Variants in THNSL1 observed in about 807,000 individuals in gnomAD.
The protein encoded by THNSL1 is threonine synthase-like 1.
Under a neutral mutation model 50.4 loss-of-function variants are expected in THNSL1, and 48 were observed. The ratio of observed to expected loss-of-function variants is 0.95; its 90% CI spans 0.76 to 1.21. The LOEUF is 1.21. Ranked by LOEUF, THNSL1 falls within the 50% of genes most tolerant of loss-of-function variation. The pLI is 0.00. For missense variants in THNSL1, 896 were observed against 871.7 expected (o/e 1.03, Z -0.35); for synonymous variants, 309 against 306.1 (o/e 1.01, Z -0.10).
At chr10:24,977,421 C>T in the THNSL1 span, among the ~76,000 whole-genome samples, 7 of 152,162 alleles carry the variant, frequency 4.6e-5, no homozygotes, top group Non-Finnish European at 1.0e-4. Context: ...TACCTAATCA[C>T]ACACAGGCAA....
At chr10:24,993,076 T>C in the THNSL1 span, among the ~76,000 whole-genome samples, 46 of 152,282 alleles carry the variant, frequency 3.0e-4, no homozygotes, top group East Asian at 6.9e-3. Flanking sequence ...GGAGAACTGC[T>C]TGAGCCCAAA....
At chr10:25,015,407 A>G (rs143397786), upstream of THNSL1, among the ~76,000 whole-genome samples, 47 of 152,334 alleles carry the variant, frequency 3.1e-4, 1 homozygote, top group African/African-American at 1.1e-3. Context: ...TATATTTCAT[A>G]AAAATCTTGG....
chr10:24,969,871 G>T, the THNSL1 span, among the ~76,000 whole-genome samples: 1 of 152,130 alleles, frequency 6.6e-6, no homozygotes, highest in African/African-American at 2.4e-5. Context: ...ATATCCTTTT[G>T]CATAGCAACA....
chr10:24,999,400 C>G, the THNSL1 span: 1 of 1,600,018 alleles, frequency 6.2e-7, no homozygotes, highest in Non-Finnish European at 8.5e-7. Flanking sequence ...ATAAAACCTA[C>G]TGGGTGGTAG....
chr10:24,952,770 C>A, the THNSL1 span, among the ~76,000 whole-genome samples: 1 of 151,644 alleles, frequency 6.6e-6, no homozygotes, highest in South Asian at 2.1e-4. This position sits in a 1 kb window ranked among gnomAD's most constrained non-coding sequence, Gnocchi z 5.1. Context: ...GGCGCTGCGC[C>A]CCCTCCCCTG....
the THNSL1 span, chr10:24,984,381 A>AC: frequency 2.6e-6 from 4 of 1,548,836 alleles, no homozygotes; most frequent in Non-Finnish European, 3.5e-6. Context: ...CATGCGCTGC[A>AC]GAAAAAAAAA....
rs41279894 is a variant in THNSL1 at position 25,024,419 on chromosome 10, A to G, written c.1196A>G (p.Gln399Arg). The stretch of plus-strand genomic sequence containing the variant: ...AGTCGTCTAAATAAGAATGATAAGC[A>G]AAGGATAGCTGTGGTTGCATTTTTT... ...GFSRLNKNDK[Q>R]RIAVVAFFPE... Residue 399 changes from glutamine to arginine, a missense_variant, in exon 3 of 3, where the codon CAA becomes CGA. Gln to Arg is a conservative substitution (Grantham distance 43, BLOSUM62 1). Coordinates refer to ENST00000376356, the MANE Select transcript of THNSL1 (RefSeq NM_024838.5). 19,915 of 1,613,960 alleles carry G rather than the reference A, an allele frequency of 0.012. 376 individuals are homozygous for G. The highest frequency in any genetic ancestry group is 0.08 in the African/African-American group (6,023 of 75,040).
chr10:24,977,631 A>C, the THNSL1 span, among the ~76,000 whole-genome samples: 1 of 152,224 alleles, frequency 6.6e-6, no homozygotes. Flanking sequence ...TGTATTAATA[A>C]AAAAATGAGC....
rs757011957 is a variant in THNSL1 at position 25,023,854 on chromosome 10, G to T, written c.631G>T (p.Glu211Ter). The T allele has an allele frequency of 1.5e-5, 25 of 1,614,098 alleles. No individual in the cohort carries two copies. In the South Asian group the frequency reaches 2.6e-4, roughly 17 times the overall value. The change falls in exon 3 of 3, where the codon GAG becomes TAG. Residue 211 changes from glutamate to a stop codon, truncating the protein, a stop_gained. Coordinates refer to ENST00000376356, the MANE Select transcript of THNSL1 (RefSeq NM_024838.5). LOFTEE classifies it high-confidence loss of function. Reference sequence around the variant, plus strand: ...CTGTGAAAGTGGGGCTTCCCCAGAGGAGGTAGCTGACAAAGTGCTGAATGC... The same window carrying T: ...CTGTGAAAGTGGGGCTTCCCCAGAGTAGGTAGCTGACAAAGTGCTGAATGC... ...VFCESGASPE[E>*]VADKVLNAIK...
the THNSL1 span, among the ~76,000 whole-genome samples, chr10:25,010,764 G>A: frequency 7.1e-6 from 1 of 140,428 alleles, no homozygotes; most frequent in Non-Finnish European, 1.6e-5. Flanking sequence ...TCCCTACAAA[G>A]GACATGAACT....
Position 25,025,209 on chromosome 10 carries a change from C to T in THNSL1, c.1986C>T (p.Ile662=), listed in dbSNP as rs747109838. Residue 662 remains isoleucine (I), a synonymous_variant, in exon 3 of 3, where the codon ATC becomes ATT. Transcript: ENST00000376356. ...RVQDKTCPVI[I]SSTAHYSKFA... is the part of the protein sequence containing the mutation. ...AAGACAAAACTTGCCCTGTGATTAT[C>T]TCATCTACAGCCCATTACTCAAAGT... is the stretch of plus-strand genomic sequence containing the variant. The T allele has an allele frequency of 2.5e-6, 4 of 1,614,188 alleles. No homozygotes were observed. Among genetic ancestry groups the T allele is most frequent in the South Asian group, 1.1e-5 (1 of 91,086 alleles).
rs1362063634 is a variant in THNSL1, at chr10:25,025,223, A to G, written c.2000A>G (p.His667Arg). The G allele has an allele frequency of 6.2e-7, 1 of 1,614,224 alleles. No homozygotes were observed. The highest frequency in any genetic ancestry group is 8.5e-7 in the Non-Finnish European group (1 of 1,180,042). Reference sequence around the variant, plus strand: ...CCTGTGATTATCTCATCTACAGCCCATTACTCAAAGTTTGCACCTGCTATC... The same window carrying G: ...CCTGTGATTATCTCATCTACAGCCCGTTACTCAAAGTTTGCACCTGCTATC... Reference protein sequence around the residue: ...TCPVIISSTAHYSKFAPAIMQ... With the variant: ...TCPVIISSTARYSKFAPAIMQ... The change falls in exon 3 of 3, where the codon CAT (histidine) becomes CGT (arginine). Residue 667 changes from histidine (H) to arginine (R), a missense_variant. Coordinates refer to ENST00000376356, the MANE Select transcript of THNSL1 (RefSeq NM_024838.5).
the THNSL1 span, among the ~76,000 whole-genome samples, chr10:24,977,355 G>T: frequency 6.6e-6 from 1 of 152,190 alleles, no homozygotes; most frequent in Admixed American, 6.5e-5. Flanking sequence ...CGAGAAAGAT[G>T]TCTTCTTCCT....
the THNSL1 span, among the ~76,000 whole-genome samples, chr10:24,956,073 AT>A: frequency 5.9e-5 from 9 of 152,332 alleles, no homozygotes; most frequent in South Asian, 4.1e-4. Context: ...AATTATTAAA[AT>A]AATGAGATTT....
rs530767274 is a variant in THNSL1 at position 25,026,450 on chromosome 10, T to G, written c.*995T>G. 2.4e-5 allele frequency: 4 copies of G among 167,110 alleles called. No individual in the cohort carries two copies. Among genetic ancestry groups the G allele is most frequent in the African/African-American group, 4.8e-5 (2 of 41,478 alleles). 10.4% of individuals were successfully genotyped at this position (167,110 alleles called of 1,614,324 possible). A position where few individuals can be genotyped will look rare whatever the true frequency, so the allele number is the denominator to read the frequency against. ...AGTAGTCTCAATAGGAGTGTATTTG[T>G]AGACAGCAGTTTCCCTATATTATTT... On this transcript the variant is annotated 3_prime_UTR_variant, in exon 3 of 3. Coordinates refer to ENST00000376356, the MANE Select transcript of THNSL1 (RefSeq NM_024838.5).
At chr10:25,010,488 C>T in the THNSL1 span, among the ~76,000 whole-genome samples, 1 of 151,710 alleles carries the variant, frequency 6.6e-6, no homozygotes, top group African/African-American at 2.4e-5. Flanking sequence ...TACATGTGCA[C>T]AATGTGCAGG....
chr10:25,024,628 A>G lies in THNSL1; in HGVS notation c.1405A>G (p.Asn469Asp), dbSNP rs1248614669. 1 of 1,614,250 alleles carries G rather than the reference A, an allele frequency of 6.2e-7. No individual in the cohort carries two copies. The highest frequency in any genetic ancestry group is 1.1e-5 in the South Asian group (1 of 91,086). ...ATATGGAACAATCTTAAGTTCGGCTAACTCCATAAACTGGGGCCGACTACT... is the reference window on the plus strand; with the variant it reads ...ATATGGAACAATCTTAAGTTCGGCTGACTCCATAAACTGGGGCCGACTACT... The part of the protein sequence containing the change: ...VEYGTILSSA[N>D]SINWGRLLPQ... Residue 469 changes from asparagine (N) to aspartate (D), a missense_variant, in exon 3 of 3, where the codon AAC becomes GAC. Transcript: ENST00000376356.
At chr10:25,014,568 G>T (rs965645622), upstream of THNSL1, among the ~76,000 whole-genome samples, 4 of 151,698 alleles carry the variant, frequency 2.6e-5, no homozygotes, top group East Asian at 7.7e-4. Flanking sequence ...ATTTGCCAAA[G>T]AACAGAATAC....
upstream of THNSL1, among the ~76,000 whole-genome samples, chr10:25,013,498 A>G (rs879003556): frequency 6.6e-6 from 1 of 152,224 alleles, no homozygotes; most frequent in Non-Finnish European, 1.5e-5. Flanking sequence ...ATGCTTATGG[A>G]AGCTTAGGCT....
Sources: gnomAD v4.1 joint callset for allele counts (sites outside exome capture counted in the v4.1 genomes callset) on GRCh38, gnomAD v4.1.1 for gene constraint, Gnocchi (gnomAD v3.1) non-coding constraint, MANE v1.5 for transcripts, NCBI Gene and HGNC (gene_info 2026-07-23, HGNC 2026-07-21) for gene names.